TAS1R2: variants seen among roughly 807,000 people sequenced by gnomAD.
The protein encoded by TAS1R2 is taste receptor type 1 member 2.
TAS1R2 carries 47 observed loss-of-function variants against 49.3 expected under a neutral mutation model. The ratio of observed to expected loss-of-function variants is 0.95; its 90% CI spans 0.75 to 1.22. TAS1R2 has a LOEUF of 1.22. Ranked by LOEUF, TAS1R2 falls within the 50% of genes most tolerant of loss-of-function variation. The probability of loss-of-function intolerance (pLI) is 0.00; values close to 1 mark genes in which losing one functional copy is unlikely to be tolerated. For synonymous variants in TAS1R2, 479 were observed against 467.9 expected (o/e 1.02, Z -0.31); for missense variants, 1,155 against 1,122.1 (o/e 1.03, Z -0.42).
At chr1:18,849,175 TG>T (rs1230413626) in intron 4 of TAS1R2, 165 bp downstream of exon 4, 4 of 737,092 alleles carry the variant, frequency 5.4e-6, no homozygotes, top group African/African-American at 5.3e-5. Flanking sequence ...TCCCAATCAA[TG>T]GGGGAAGGAA....
At chr1:18,842,618 G>A (rs930103864) in intron 4 of TAS1R2, among the ~76,000 whole-genome samples, 15 of 152,142 alleles carry the variant, frequency 9.9e-5, no homozygotes, top group Admixed American at 2.0e-4. Context: ...AATAACAATA[G>A]GTCAAAGTAG....
chr1:18,848,248 G>A (rs545479288), intron 4 of TAS1R2, among the ~76,000 whole-genome samples: 136 of 152,170 alleles, frequency 8.9e-4, no homozygotes, highest in Admixed American at 1.3e-3. Context: ...ACAACCTCTC[G>A]GTGCCTTCAG....
chr1:18,847,380 C>T (rs776776223), intron 4 of TAS1R2, among the ~76,000 whole-genome samples: 1 of 120,736 alleles, frequency 8.3e-6, no homozygotes, highest in Non-Finnish European at 1.8e-5. Flanking sequence ...TCCCTACCCA[C>T]CCCAGTCTGT....
chr1:18,859,391 C>G, intron 1 of TAS1R2, 88 bp downstream of exon 1: 1 of 1,517,832 alleles, frequency 6.6e-7, no homozygotes, highest in Non-Finnish European at 9.0e-7. Flanking sequence ...GCCCTTGGTC[C>G]TGGTCTGGCT....
chr1:18,840,626 AGC>A, intron 5 of TAS1R2, 99 bp from the exon 6 acceptor site: 1 of 1,315,378 alleles, frequency 7.6e-7, no homozygotes, highest in Non-Finnish European at 1.1e-6. Context: ...ATGAAGAGAG[AGC>A]ACCAAGGGCA....
At chr1:18,844,745 C>T (rs1933885722) in intron 4 of TAS1R2, among the ~76,000 whole-genome samples, 1 of 131,046 alleles carries the variant, frequency 7.6e-6, no homozygotes, top group Non-Finnish European at 1.6e-5. Context: ...CAGAGCGAGA[C>T]TGTCTCAGAA....
At chr1:18,850,738 A>G (rs147167557) in intron 3 of TAS1R2, among the ~76,000 whole-genome samples, 36 of 152,330 alleles carry the variant, frequency 2.4e-4, no homozygotes, top group African/African-American at 8.2e-4. Context: ...AGCCTAGACT[A>G]TTATTGGCAG....
exon 4 of TAS1R2, chr1:18,849,464 C>G: frequency 6.2e-7 from 1 of 1,614,238 alleles, no homozygotes; most frequent in Non-Finnish European, 8.5e-7. Flanking sequence ...GGACAATCTC[C>G]AAGTGCAGAG....
rs373796920 is a variant in TAS1R2 at position 18,840,420 on chromosome 1, T to A, written c.1699A>T (p.Ile567Phe). The A allele has an allele frequency of 1.9e-4, 303 of 1,613,982 alleles. No individual in the cohort carries two copies. The highest frequency in any genetic ancestry group is 2.2e-4 in the Non-Finnish European group (261 of 1,180,000). Reference sequence around the variant, plus strand: ...AGGGCGGCCAGCAGGGCCACAGCGATGGTGGGTGCCTCATGCCATTCCAGG... The same window carrying A: ...AGGGCGGCCAGCAGGGCCACAGCGAAGGTGGGTGCCTCATGCCATTCCAGG... Residue 567 changes from isoleucine to phenylalanine, a missense_variant, in exon 6 of 6, where the codon ATC becomes TTC. Coordinates refer to ENST00000375371, the Ensembl canonical transcript of TAS1R2.
chr1:18,851,336 C>CT (rs201820848), intron 3 of TAS1R2, among the ~76,000 whole-genome samples: 3,021 of 151,634 alleles, frequency 0.02, 65 homozygotes, highest in East Asian at 0.1. Flanking sequence ...TTTTGTTTTG[C>CT]TTTTTTTTTA....
At chr1:18,845,732 C>T (rs1469388200) in intron 4 of TAS1R2, among the ~76,000 whole-genome samples, 1 of 152,208 alleles carries the variant, frequency 6.6e-6, no homozygotes, top group Non-Finnish European at 1.5e-5. Context: ...CCAGGCAACC[C>T]TGGGTGCTTC....
At chr1:18,859,227 T>TA (rs1488755651) in intron 1 of TAS1R2, among the ~76,000 whole-genome samples, 5 of 151,866 alleles carry the variant, frequency 3.3e-5, no homozygotes, top group African/African-American at 7.3e-5. Context: ...TAACTCTATT[T>TA]AAAAAAAATG....
At chr1:18,845,215 C>T (rs1246910735) in intron 4 of TAS1R2, among the ~76,000 whole-genome samples, 2 of 152,110 alleles carry the variant, frequency 1.3e-5, no homozygotes, top group Admixed American at 1.3e-4. Context: ...GGCATGTGAC[C>T]ACAGGCTCCA....
At chr1:18,853,140 G>A (rs574270928) in intron 3 of TAS1R2, among the ~76,000 whole-genome samples, 9 of 152,306 alleles carry the variant, frequency 5.9e-5, no homozygotes, top group Non-Finnish European at 1.3e-4. Context: ...ACTTACCACT[G>A]AGCGATCACG....
At chr1:18,842,656 T>G (rs1933849729) in intron 4 of TAS1R2, among the ~76,000 whole-genome samples, 1 of 152,114 alleles carries the variant, frequency 6.6e-6, no homozygotes. Context: ...AGAAAATACT[T>G]TGAGATTAAT....
exon 2 of TAS1R2, chr1:18,857,556 G>T: frequency 6.2e-7 from 1 of 1,614,216 alleles, no homozygotes; most frequent in Non-Finnish European, 8.5e-7. Flanking sequence ...GCAGCAGGCT[G>T]CTGTCATTGT....
Position 18,854,661 on chromosome 1 carries a change from C to A in TAS1R2, c.809G>T (p.Arg270Leu), listed in dbSNP as rs139111014. The A allele has an allele frequency of 6.2e-7, 1 of 1,614,012 alleles. No individual in the cohort carries two copies. The highest frequency in any genetic ancestry group is 8.5e-7 in the Non-Finnish European group (1 of 1,179,972). Residue 270 changes from arginine to leucine, a missense_variant, in exon 3 of 6, where the codon CGC becomes CTC. Coordinates refer to ENST00000375371, the Ensembl canonical transcript of TAS1R2. The surrounding 1 kb of genome is among the most constrained non-coding windows in gnomAD (Gnocchi z 4.9). ...GTCGGGCGAGAACACGACCACGACGCGCGCTGTGCTCTGCTGCAGCTTGTC... is the reference window on the plus strand; with the variant it reads ...GTCGGGCGAGAACACGACCACGACGAGCGCTGTGCTCTGCTGCAGCTTGTC...
At chr1:18,849,377 G>A in exon 4 of TAS1R2, 2 of 1,614,206 alleles carry the variant, frequency 1.2e-6, no homozygotes, top group Non-Finnish European at 1.7e-6. Context: ...TGTCTTGGAT[G>A]TTCTTCAGCT....
intron 3 of TAS1R2, among the ~76,000 whole-genome samples, chr1:18,849,912 G>T (rs76604471): frequency 0.012 from 1,752 of 152,302 alleles, 15 homozygotes; most frequent in Non-Finnish European, 0.019. Flanking sequence ...CAGAGCCTGA[G>T]ACAGGAAGCA....
Sources: allele counts gnomAD v4.1 joint callset (sites outside exome capture counted in the v4.1 genomes callset), GRCh38; gene constraint gnomAD v4.1.1; non-coding constraint Gnocchi (gnomAD v3.1); transcripts MANE v1.5; gene names NCBI Gene and HGNC (gene_info 2026-07-23, HGNC 2026-07-21).